TMEM108: variants seen among roughly 807,000 people sequenced by gnomAD.
TMEM108 encodes the protein transmembrane protein 108.
TMEM108 carries 12 observed loss-of-function variants against 35.1 expected under a neutral mutation model. That is an observed-to-expected ratio of 0.34 (90% CI 0.22 to 0.55). TMEM108 has a LOEUF of 0.55. Ranked by LOEUF, TMEM108 falls within the 20% of genes least tolerant of loss-of-function variation. The pLI is 0.89. For synonymous variants in TMEM108, 287 were observed against 308.6 expected (o/e 0.93, Z 0.73); for missense variants, 680 against 753.3 (o/e 0.90, Z 1.14).
chr3:133,393,097 G>T (rs985722622), intron 5 of TMEM108, among the ~76,000 whole-genome samples: 1 of 152,052 alleles, frequency 6.6e-6, no homozygotes, highest in Non-Finnish European at 1.5e-5. Flanking sequence ...TGGCCTCTTT[G>T]CTCTTCCTCC....
chr3:133,344,036 A>G (rs1052709736), intron 3 of TMEM108, among the ~76,000 whole-genome samples: 1 of 151,930 alleles, frequency 6.6e-6, no homozygotes, highest in African/African-American at 2.4e-5. Flanking sequence ...ATTGTCTTCC[A>G]TGAAACCAGT....
rs1014847416 is a variant in TMEM108, at chr3:133,381,021, G to C, written c.1310G>C (p.Gly437Ala). 2.5e-6 allele frequency: 4 copies of C among 1,614,204 alleles called. No individual in the cohort carries two copies. The highest frequency in any genetic ancestry group is 2.2e-5 in the East Asian group (1 of 44,888). ...GNFLNRLVPA[G>A]TWKPGTAGNI... ...TTCCTCAACCGCCTGGTCCCCGCCG[G>C]GACCTGGAAGCCTGGGACAGCAGGG... Residue 437 changes from glycine (G) to alanine (A), a missense_variant, in exon 4 of 6, where the codon GGG becomes GCG. This residue lies in a region of TMEM108 where 526 missense variants were observed against 532.1 expected (regional missense o/e 0.99). Transcript: ENST00000321871.
chr3:133,147,668 T>A (rs1319970829), intron 2 of TMEM108, among the ~76,000 whole-genome samples: 2 of 152,206 alleles, frequency 1.3e-5, no homozygotes, highest in Non-Finnish European at 2.9e-5. Context: ...ACGTAGTCAG[T>A]ACAACCTACT....
At chr3:133,069,144 A>T (rs754958335) in intron 2 of TMEM108, among the ~76,000 whole-genome samples, 1 of 152,204 alleles carries the variant, frequency 6.6e-6, no homozygotes, top group African/African-American at 2.4e-5. Flanking sequence ...GAACTAACAC[A>T]CTTCACATTT....
At chr3:133,391,965 A>G (rs2073240976) in intron 5 of TMEM108, among the ~76,000 whole-genome samples, 1 of 152,054 alleles carries the variant, frequency 6.6e-6, no homozygotes, top group Admixed American at 6.6e-5. Context: ...CGCTAAACCC[A>G]GCAGCCAATT....
intron 2 of TMEM108, among the ~76,000 whole-genome samples, chr3:133,129,293 C>T (rs957901024): frequency 2.6e-5 from 4 of 151,286 alleles, no homozygotes; most frequent in Non-Finnish European, 5.9e-5. Flanking sequence ...CAGTGAGCAT[C>T]GAGATCGTAC....
chr3:133,150,342 GTT>G (rs10663538), intron 2 of TMEM108, among the ~76,000 whole-genome samples: 3 of 109,690 alleles, frequency 2.7e-5, no homozygotes, highest in African/African-American at 3.7e-5. Flanking sequence ...AGGTTATTTG[GTT>G]TTTTTTTTTT....
chr3:133,246,254 C>T (rs1006259101), intron 3 of TMEM108: 15 of 152,178 alleles, frequency 9.9e-5, no homozygotes, highest in African/African-American at 2.7e-4. Flanking sequence ...TTGCACCAAA[C>T]TATTAGTTTT....
intron 2 of TMEM108, among the ~76,000 whole-genome samples, chr3:133,103,914 C>T (rs1218277073): frequency 6.6e-6 from 1 of 152,180 alleles, no homozygotes. Flanking sequence ...AACTGCTTGG[C>T]ATGCAGTATG....
intron 3 of TMEM108, among the ~76,000 whole-genome samples, chr3:133,294,630 T>C (rs183511953): frequency 4.7e-4 from 71 of 152,368 alleles, no homozygotes; most frequent in African/African-American, 1.6e-3. Flanking sequence ...GTATTTTTAT[T>C]GGTTTGCTTA....
chr3:133,067,909 A>G (rs1170132791), intron 2 of TMEM108, among the ~76,000 whole-genome samples: 1 of 152,012 alleles, frequency 6.6e-6, no homozygotes, highest in Non-Finnish European at 1.5e-5. Flanking sequence ...CAGCATAGAA[A>G]AAAAAAAGAA....
chr3:133,207,488 T>C (rs1945774847), intron 2 of TMEM108, among the ~76,000 whole-genome samples: 1 of 152,160 alleles, frequency 6.6e-6, no homozygotes. Context: ...CGAAGTGGCT[T>C]ACATGTTTGA....
chr3:133,235,600 G>T (rs1386275495), intron 3 of TMEM108, among the ~76,000 whole-genome samples: 1 of 152,120 alleles, frequency 6.6e-6, no homozygotes, highest in Admixed American at 6.6e-5. Context: ...ACTACCTGAG[G>T]TGGTATTGAA....
intron 2 of TMEM108, among the ~76,000 whole-genome samples, chr3:133,175,959 A>G (rs949017999): frequency 4.6e-5 from 7 of 152,234 alleles, no homozygotes; most frequent in African/African-American, 7.2e-5. Context: ...TAGGCTCAAA[A>G]TAAAGGGATG....
At chr3:133,214,049 T>C (rs975803761) in intron 2 of TMEM108, among the ~76,000 whole-genome samples, 20 of 152,160 alleles carry the variant, frequency 1.3e-4, no homozygotes, top group Non-Finnish European at 2.6e-4. Flanking sequence ...GACAACTCTC[T>C]CAAATTGAGC....
At chr3:133,150,067 G>A (rs950646918) in intron 2 of TMEM108, among the ~76,000 whole-genome samples, 1 of 152,102 alleles carries the variant, frequency 6.6e-6, no homozygotes, top group African/African-American at 2.4e-5. Flanking sequence ...TATCCATACT[G>A]TTTTCCACAG....
At chr3:133,220,007 T>C (rs1389143518) in intron 2 of TMEM108, among the ~76,000 whole-genome samples, 1 of 152,014 alleles carries the variant, frequency 6.6e-6, no homozygotes, top group Non-Finnish European at 1.5e-5. Flanking sequence ...TGGATGCATA[T>C]GTATTTATAA....
At chr3:133,221,664 T>C (rs1945993466) in intron 2 of TMEM108, among the ~76,000 whole-genome samples, 2 of 139,958 alleles carry the variant, frequency 1.4e-5, no homozygotes, top group Admixed American at 1.4e-4. Flanking sequence ...TGATTCCTTT[T>C]TTTTTTTTTT....
At chr3:133,345,415 A>G (rs775047789) in intron 3 of TMEM108, among the ~76,000 whole-genome samples, 5 of 151,800 alleles carry the variant, frequency 3.3e-5, no homozygotes, top group Non-Finnish European at 3.0e-5. Context: ...GTAGAAAGAT[A>G]TGTTCTTATC....
Sources: allele counts gnomAD v4.1 joint callset (sites outside exome capture counted in the v4.1 genomes callset), GRCh38; gene constraint gnomAD v4.1.1; regional missense constraint gnomAD v4.1.1; transcripts MANE v1.5; gene names NCBI Gene and HGNC (gene_info 2026-07-23, HGNC 2026-07-21).